Variants in UIMC1 observed in about 807,000 individuals in gnomAD.
UIMC1 encodes the protein BRCA1-A complex subunit RAP80.
In UIMC1, 42 loss-of-function variants were observed where a neutral mutation model predicts 84.9. The ratio of observed to expected loss-of-function variants is 0.49; its 90% confidence interval spans 0.39 to 0.64. The LOEUF (loss-of-function observed/expected upper bound fraction) is 0.64. Among genes scored for constraint, UIMC1 ranks in the 30% least tolerant of loss-of-function variants. UIMC1 has a pLI of 0.00. For synonymous variants in UIMC1, 281 were observed against 293.0 expected (o/e 0.96, Z 0.42); for missense variants, 825 against 847.6 (o/e 0.97, Z 0.33).
At chr5:176,986,131 G>C (rs901107745) in intron 1 of UIMC1, among the ~76,000 whole-genome samples, 1 of 151,186 alleles carries the variant, frequency 6.6e-6, no homozygotes, top group African/African-American at 2.4e-5. Flanking sequence ...AGGCCGTCGT[G>C]GGCTGATCAC....
At chr5:176,915,165 T>C (rs576950848) in intron 10 of UIMC1, among the ~76,000 whole-genome samples, 2 of 152,140 alleles carry the variant, frequency 1.3e-5, no homozygotes, top group Non-Finnish European at 2.9e-5. Context: ...TTTCTGTTCC[T>C]ATTCACTTAT....
intron 10 of UIMC1, among the ~76,000 whole-genome samples, chr5:176,941,542 AAAT>A (rs1764437698): frequency 6.6e-6 from 1 of 152,218 alleles, no homozygotes; most frequent in Non-Finnish European, 1.5e-5. Flanking sequence ...CAAGAAAAGT[AAAT>A]AACATGTGCT....
intron 1 of UIMC1, among the ~76,000 whole-genome samples, chr5:177,016,427 C>T (rs1444774860): frequency 1.3e-5 from 2 of 152,184 alleles, no homozygotes; most frequent in East Asian, 3.8e-4. Context: ...CACGGTGGCT[C>T]ATGCCTGTAA....
intron 1 of UIMC1, chr5:177,006,155 G>T (rs979489047): frequency 6.6e-6 from 1 of 152,250 alleles, no homozygotes; most frequent in South Asian, 2.1e-4. Context: ...CCCGACGCCC[G>T]GGAGGATGCA....
At position 176,943,261 on chromosome 5, in the gene UIMC1, T is replaced by G. The variant is rs553209700; in HGVS notation, c.1597+74A>C. 7.4e-6 allele frequency: 11 copies of G among 1,487,858 alleles called. No individual in the cohort carries two copies. In the South Asian group the frequency reaches 1.4e-4, roughly 19 times the overall value. 92.2% of individuals were successfully genotyped at this position (1,487,858 alleles called of 1,614,324 possible). On this transcript the variant is annotated intron_variant, in intron 10 of 14. Coordinates refer to ENST00000511320, the MANE Select transcript of UIMC1 (RefSeq NM_001199298.2). ...TTGAAGAACAGCTATGTTTTTTCCC[T>G]GCATTGTAATGTATAGGATTATAAA...
At chr5:177,000,118 T>C (rs1168804244) in intron 1 of UIMC1, among the ~76,000 whole-genome samples, 1 of 152,048 alleles carries the variant, frequency 6.6e-6, no homozygotes, top group African/African-American at 2.4e-5. Context: ...CCACCACACC[T>C]GGCTAATTTT....
chr5:176,984,623 A>T (rs1278477116), intron 1 of UIMC1, among the ~76,000 whole-genome samples: 1 of 152,076 alleles, frequency 6.6e-6, no homozygotes, highest in Non-Finnish European at 1.5e-5. Flanking sequence ...ACAGGCCATG[A>T]TGACGATGGC....
In UIMC1 at chr5:176,914,389, T is replaced by C. The variant is rs538017317; in HGVS notation, c.1598-3000A>G. Among the ~76,000 whole-genome samples, 81 of 152,320 alleles carry C rather than the reference T, an allele frequency of 5.3e-4. No homozygotes were observed. In the South Asian group the frequency reaches 0.017, roughly 31 times the overall value. On this transcript the variant is annotated intron_variant, in intron 10 of 14. Transcript: ENST00000511320. Reference sequence around the variant, plus strand: ...TATGGCCAAGGACAAAACTGTGACATGTTACCAGAGAAGCCTGTCTTCTCT... The same window carrying C: ...TATGGCCAAGGACAAAACTGTGACACGTTACCAGAGAAGCCTGTCTTCTCT...
chr5:176,905,699 T>A (rs1219356691), intron 14 of UIMC1: 4 of 650,268 alleles, frequency 6.2e-6, no homozygotes, highest in Non-Finnish European at 1.0e-5. Flanking sequence ...ATTGAGAGAA[T>A]GAGAACTGAG....
At chr5:176,922,136 T>TCC (rs1352174005) in intron 10 of UIMC1, among the ~76,000 whole-genome samples, 1 of 151,750 alleles carries the variant, frequency 6.6e-6, no homozygotes, top group Admixed American at 6.5e-5. Flanking sequence ...TCACTCTCCA[T>TCC]CCCCTCTTCT....
Position 176,969,219 on chromosome 5 carries a change from C to T in UIMC1, c.536G>A (p.Arg179Lys). 1.9e-6 allele frequency: 3 copies of T among 1,614,214 alleles called. No individual in the cohort carries two copies. Reference protein sequence around the residue: ...HISQGNEAEEREEPWDHTEKT... With the variant: ...HISQGNEAEEKEEPWDHTEKT... ...TTCAGTGTGGTCCCAAGGCTCCTCT[C>T]TTTCCTCAGCCTCGTTTCCCTGACT... is the stretch of plus-strand genomic sequence containing the variant. Residue 179 changes from arginine to lysine, a missense_variant, in exon 6 of 15, where the codon AGA (arginine) becomes AAA (lysine). Transcript: ENST00000511320.
At chr5:176,964,682 T>C (rs1288169131) in intron 6 of UIMC1, among the ~76,000 whole-genome samples, 1 of 152,074 alleles carries the variant, frequency 6.6e-6, no homozygotes, top group Non-Finnish European at 1.5e-5. Context: ...AAAAAATAGG[T>C]AATATTCTTT....
intron 8 of UIMC1, among the ~76,000 whole-genome samples, chr5:176,952,084 C>T (rs548829231): frequency 2.0e-5 from 3 of 152,190 alleles, no homozygotes; most frequent in Non-Finnish European, 4.4e-5. Flanking sequence ...ATAGTTCATA[C>T]TTTTTGCTGC....
At chr5:176,985,870 T>C (rs149134512) in intron 1 of UIMC1, among the ~76,000 whole-genome samples, 1 of 152,316 alleles carries the variant, frequency 6.6e-6, no homozygotes, top group East Asian at 1.9e-4. Flanking sequence ...AAAGGACTTC[T>C]ACAAAAATCC....
intron 1 of UIMC1, among the ~76,000 whole-genome samples, chr5:177,021,076 G>C (rs935212430): frequency 1.3e-5 from 2 of 152,106 alleles, no homozygotes; most frequent in African/African-American, 4.8e-5. Flanking sequence ...TCAGGAGTTT[G>C]AGATCAGCCT....
chr5:176,907,039 C>A, intron 13 of UIMC1, 75 bp downstream of exon 13: 1 of 1,479,860 alleles, frequency 6.8e-7, no homozygotes, highest in South Asian at 1.2e-5. Context: ...AGCAAATAGT[C>A]AGGGGGCTGG....
chr5:177,003,487 T>C (rs1298000881), intron 1 of UIMC1, among the ~76,000 whole-genome samples: 29 of 152,246 alleles, frequency 1.9e-4, no homozygotes, highest in Admixed American at 1.7e-3. Context: ...ACCCCGTCTC[T>C]ACTAAAAATA....
chr5:176,992,493 A>G (rs1373795616), intron 1 of UIMC1, among the ~76,000 whole-genome samples: 1 of 151,784 alleles, frequency 6.6e-6, no homozygotes, highest in African/African-American at 2.4e-5. Flanking sequence ...TAAGTAAATA[A>G]AGCTTTCTTA....
At chr5:176,923,928 GAC>G (rs1201401497) in intron 10 of UIMC1, among the ~76,000 whole-genome samples, 1 of 134,378 alleles carries the variant, frequency 7.4e-6, no homozygotes, top group Non-Finnish European at 1.6e-5. Flanking sequence ...CACACACACA[GAC>G]ACACACACAT....
Sources: allele counts gnomAD v4.1 joint callset (sites outside exome capture counted in the v4.1 genomes callset), GRCh38; gene constraint gnomAD v4.1.1; transcripts MANE v1.5; gene names NCBI Gene and HGNC (gene_info 2026-07-23, HGNC 2026-07-21).